Variants in ROR2 observed in about 807,000 individuals in gnomAD.
ROR2 encodes ROR family WNT receptor 2.
A neutral mutation model predicts 74.9 loss-of-function variants in ROR2; 33 were observed. The observed-to-expected ratio is 0.44, with a 90% CI of 0.33 to 0.59. The LOEUF is 0.59. ROR2 is among the 20% of genes least tolerant of loss of function. The probability of loss-of-function intolerance (pLI) is 0.02; values close to 1 mark genes in which losing one functional copy is unlikely to be tolerated. For synonymous variants in ROR2, 586 were observed against 558.7 expected (o/e 1.05, Z -0.69); for missense variants, 1,216 against 1,313.8 (o/e 0.93, Z 1.15).
intron 4 of ROR2, among the ~76,000 whole-genome samples, chr9:91,743,025 G>C (rs1438337865): frequency 3.3e-5 from 5 of 152,176 alleles, no homozygotes; most frequent in Non-Finnish European, 7.3e-5. Flanking sequence ...ATATAGCCTA[G>C]GTGTGCAGTA....
chr9:91,925,643 T>C (rs1291717892), intron 1 of ROR2, among the ~76,000 whole-genome samples: 1 of 152,160 alleles, frequency 6.6e-6, no homozygotes, highest in Non-Finnish European at 1.5e-5. Flanking sequence ...CACCTAAGTT[T>C]CTTGGATGGC....
chr9:91,948,667 A>C, intron 1 of ROR2: 1 of 985,544 alleles, frequency 1.0e-6, no homozygotes, highest in Non-Finnish European at 1.2e-6. Context: ...AGCAGGACGC[A>C]GGAAAAGCAG....
At chr9:91,759,286 C>A (rs1162588618) in intron 2 of ROR2, among the ~76,000 whole-genome samples, 1 of 152,156 alleles carries the variant, frequency 6.6e-6, no homozygotes, top group Non-Finnish European at 1.5e-5. Flanking sequence ...ACGCACCTGT[C>A]TGCAGAGTAG....
chr9:91,823,497 T>TC (rs1828196440), intron 1 of ROR2, among the ~76,000 whole-genome samples: 1 of 151,066 alleles, frequency 6.6e-6, no homozygotes, highest in East Asian at 1.9e-4. Flanking sequence ...GCCAGCTGAT[T>TC]TTTTTTTTTC....
At chr9:91,837,193 G>A (rs1374012768) in intron 1 of ROR2, among the ~76,000 whole-genome samples, 3 of 151,618 alleles carry the variant, frequency 2.0e-5, no homozygotes, top group East Asian at 1.9e-4. Context: ...TCACTCTGTC[G>A]CCCAAGCGAG....
Position 91,905,603 on chromosome 9 carries a change from C to T in ROR2, c.97+44264G>A, listed in dbSNP as rs1179522699. On this transcript the variant is annotated intron_variant, in intron 1 of 8. Transcript: ENST00000375708. The surrounding 1 kb of genome is among the most constrained non-coding windows in gnomAD (Gnocchi z 5.3). The stretch of plus-strand genomic sequence containing the variant: ...ATACACAAACATCACACATGCCACA[C>T]ACAACACATATACAGATGCCCCCAA... Among the ~76,000 whole-genome samples the T allele has an allele frequency of 1.3e-5, 2 of 151,996 alleles. No individual in the cohort carries two copies. Among genetic ancestry groups the T allele is most frequent in the African/African-American group, 4.8e-5 (2 of 41,342 alleles).
chr9:91,740,578 A>G (rs776356910), intron 4 of ROR2, among the ~76,000 whole-genome samples: 21 of 149,452 alleles, frequency 1.4e-4, no homozygotes, highest in South Asian at 4.2e-4. Context: ...ATATATATGT[A>G]TATATATATA....
intron 2 of ROR2, among the ~76,000 whole-genome samples, chr9:91,773,764 G>A (rs1826320856): frequency 6.6e-6 from 1 of 152,120 alleles, no homozygotes; most frequent in Non-Finnish European, 1.5e-5. Flanking sequence ...GCTTGACCCA[G>A]GGCCCCCACT....
chr9:91,941,615 T>C (rs1033402052), intron 1 of ROR2, among the ~76,000 whole-genome samples: 1 of 152,190 alleles, frequency 6.6e-6, no homozygotes, highest in Admixed American at 6.5e-5. Flanking sequence ...TCCGTTAGTA[T>C]CCACGACAGC....
chr9:91,857,502 C>T (rs539115189), intron 1 of ROR2, among the ~76,000 whole-genome samples: 4 of 152,304 alleles, frequency 2.6e-5, no homozygotes, highest in African/African-American at 7.2e-5. Context: ...TCCAGTAGGT[C>T]GTGTTCTACA....
rs1459673897 is a variant in ROR2, at chr9:91,775,725, G to A, written c.175+16C>T. On this transcript the variant is annotated intron_variant, in intron 2 of 8. Coordinates refer to ENST00000375708, the MANE Select transcript of ROR2 (RefSeq NM_004560.4). ...CATTTGGAGGACATGGAGAGCACCT[G>A]CATGTCCCAGCTCACCTTTCAGAGT... The A allele has an allele frequency of 1.2e-6, 2 of 1,609,598 alleles. No homozygotes were observed. Among genetic ancestry groups the A allele is most frequent in the South Asian group, 1.1e-5 (1 of 90,974 alleles).
chr9:91,921,352 G>A (rs532943157), intron 1 of ROR2, among the ~76,000 whole-genome samples: 16 of 152,226 alleles, frequency 1.1e-4, no homozygotes, highest in African/African-American at 3.4e-4. Context: ...TTTTTCCTCC[G>A]TTCTTAAATA....
intron 1 of ROR2, among the ~76,000 whole-genome samples, chr9:91,832,403 C>T (rs1397770686): frequency 7.0e-6 from 1 of 142,920 alleles, no homozygotes; most frequent in African/African-American, 2.6e-5. Flanking sequence ...AAGGCTGTGT[C>T]CCCTACCCAT....
At chr9:91,726,469 T>C (rs1587657131) in intron 8 of ROR2, 72 bp downstream of exon 8, 3 of 1,343,170 alleles carry the variant, frequency 2.2e-6, no homozygotes, top group East Asian at 2.3e-5. Flanking sequence ...AGACATTTAA[T>C]GTTGGGGGAA....
chr9:91,790,741 A>G (rs1300051617), intron 1 of ROR2, among the ~76,000 whole-genome samples: 3 of 152,188 alleles, frequency 2.0e-5, no homozygotes, highest in Admixed American at 2.0e-4. Context: ...CATGTGTGCT[A>G]CTGTCCTTGA....
intron 1 of ROR2, among the ~76,000 whole-genome samples, chr9:91,893,211 C>CTGAA (rs955743329): frequency 1.3e-5 from 2 of 152,084 alleles, no homozygotes; most frequent in African/African-American, 4.8e-5. Flanking sequence ...GAACCCCAGG[C>CTGAA]TGAAGCTGGG....
At chr9:91,862,959 A>G (rs1829515519) in intron 1 of ROR2, among the ~76,000 whole-genome samples, 1 of 152,282 alleles carries the variant, frequency 6.6e-6, no homozygotes, top group Admixed American at 6.5e-5. Flanking sequence ...AAATAAGCAC[A>G]TGAAGAAATG....
intron 4 of ROR2, among the ~76,000 whole-genome samples, chr9:91,747,773 A>C (rs1024225366): frequency 1.3e-5 from 2 of 152,180 alleles, no homozygotes; most frequent in African/African-American, 4.8e-5. Flanking sequence ...CAGTCTACTG[A>C]AACAGAATCA....
At chr9:91,914,283 A>G (rs1448551027) in intron 1 of ROR2, among the ~76,000 whole-genome samples, 7 of 152,208 alleles carry the variant, frequency 4.6e-5, no homozygotes, top group African/African-American at 1.2e-4. Context: ...TCAAATGTGC[A>G]GAGTTTAAAC....
Sources: gnomAD v4.1 joint callset for allele counts (sites outside exome capture counted in the v4.1 genomes callset) on GRCh38, gnomAD v4.1.1 for gene constraint, Gnocchi (gnomAD v3.1) non-coding constraint, MANE v1.5 for transcripts, NCBI Gene and HGNC (gene_info 2026-07-23, HGNC 2026-07-21) for gene names.